OR7G2: variants seen among roughly 807,000 people sequenced by gnomAD.
OR7G2 encodes the protein olfactory receptor 7G2.
For synonymous variants in OR7G2, 153 were observed against 152.2 expected, an observed-to-expected ratio of 1.01 and a Z score of -0.04; for missense variants, 362 against 384.0, an observed-to-expected ratio of 0.94 and a Z score of 0.48.
chr19:9,102,881 G>T lies in OR7G2; in HGVS notation c.363C>A (p.Asp121Glu), dbSNP rs575997597. 2 of 1,614,074 alleles carry T rather than the reference G, an allele frequency of 1.2e-6. No individual in the cohort carries two copies. The highest frequency in any genetic ancestry group is 3.3e-5 in the Admixed American group (2 of 59,978). ...GGGGGTGACAAATGGCCACATAGCG[G>T]TCATAGGCCATTGCTGCAAGGAGAC... ...ENCLLAAMAY[D>E]RYVAICHPLR... The change falls in exon 2 of 2, where the codon GAC becomes GAA. Residue 121 changes from aspartate (D) to glutamate (E), a missense_variant. Physicochemically the swap from Asp to Glu is conservative, Grantham distance 45. Coordinates refer to ENST00000641081, the MANE Select transcript of OR7G2 (RefSeq NM_001005193.2).
rs1458481439 is a variant in OR7G2 at position 9,103,110 on chromosome 19, A to T, written c.134T>A (p.Ile45Asn). ...AGAGTCAGAGATGACAGCCAAGAGG[A>T]TGAGCAGGTTCCCCAGGATGGTGAC... ...YLVTILGNLL[I>N]LLAVISDSHL... is the part of the protein sequence containing the mutation. Residue 45 changes from isoleucine (I) to asparagine (N), a missense_variant, in exon 2 of 2, where the codon ATC (isoleucine) becomes AAC (asparagine). Ile to Asn is a moderately radical substitution (Grantham distance 149, BLOSUM62 -3). Transcript: ENST00000641081. The T allele has an allele frequency of 6.2e-7, 1 of 1,613,982 alleles. No homozygotes were observed. The highest frequency in any genetic ancestry group is 1.3e-5 in the African/African-American group (1 of 74,902).
In OR7G2 at chr19:9,102,885, T is replaced by C. The variant is rs761699529; in HGVS notation, c.359A>G (p.Tyr120Cys). ...GTGACAAATGGCCACATAGCGGTCA[T>C]AGGCCATTGCTGCAAGGAGACAATT... Reference protein sequence around the residue: ...LENCLLAAMAYDRYVAICHPL... With the variant: ...LENCLLAAMACDRYVAICHPL... Residue 120 changes from tyrosine (Y) to cysteine (C), a missense_variant, in exon 2 of 2, where the codon TAT (tyrosine) becomes TGT (cysteine). Tyr to Cys is a radical substitution (Grantham distance 194). Coordinates refer to ENST00000641081, the MANE Select transcript of OR7G2 (RefSeq NM_001005193.2). The C allele has an allele frequency of 4.5e-5, 73 of 1,613,952 alleles. No individual in the cohort carries two copies. The highest frequency in any genetic ancestry group is 5.8e-5 in the Non-Finnish European group (68 of 1,179,996).
At chr19:9,107,167 C>T (rs535311603) in intron 1 of OR7G2, 147 bp downstream of exon 1, 12 of 152,302 alleles carry the variant, frequency 7.9e-5, no homozygotes, top group Non-Finnish European at 1.3e-4. Flanking sequence ...CGAGTCACCA[C>T]ACTCCTTCCA....
Position 9,102,789 on chromosome 19 carries a change from C to G in OR7G2, c.455G>C (p.Ser152Thr). 1 of 1,613,976 alleles carries G rather than the reference C, an allele frequency of 6.2e-7. No individual in the cohort carries two copies. The highest frequency in any genetic ancestry group is 1.7e-5 in the Admixed American group (1 of 59,976). ...GLLILLSLLT[S>T]VVNALLLSLM... ...GCTGAGAAGAAGGGCATTCACAACA[C>G]TAGTCAACAGAGAGAGAAGAATCAG... is the stretch of plus-strand genomic sequence containing the variant. The change falls in exon 2 of 2, where the codon AGT becomes ACT. Residue 152 changes from serine to threonine, a missense_variant. Physicochemically the swap from Ser to Thr is moderately conservative, Grantham distance 58. Coordinates refer to ENST00000641081, the MANE Select transcript of OR7G2 (RefSeq NM_001005193.2).
At position 9,102,079 on chromosome 19, in the gene OR7G2, T is replaced by C. The variant is rs768166303; in HGVS notation, c.*190A>G. ...TTAGCCAGGCATGGTGGCAGGCGCC[T>C]GTAATCCCCACTACTCAGGAGGCTG... is the stretch of plus-strand genomic sequence containing the variant. On this transcript the variant is annotated 3_prime_UTR_variant, in exon 2 of 2. Transcript: ENST00000641081. The C allele has an allele frequency of 1.1e-5, 6 of 522,250 alleles. No homozygotes were observed. The highest frequency in any genetic ancestry group is 1.7e-5 in the Non-Finnish European group (5 of 299,730). 32.4% of individuals were successfully genotyped at this position (522,250 alleles called of 1,614,324 possible). A position where few individuals can be genotyped will look rare whatever the true frequency, so the allele number is the denominator to read the frequency against.
intron 1 of OR7G2, among the ~76,000 whole-genome samples, chr19:9,105,066 G>A (rs2050378583): frequency 6.6e-6 from 1 of 151,746 alleles, no homozygotes; most frequent in East Asian, 2.0e-4. Context: ...CGCCTCCCGG[G>A]TTCAAGCTAT....
chr19:9,105,797 A>G (rs1288919940), intron 1 of OR7G2, among the ~76,000 whole-genome samples: 1 of 151,754 alleles, frequency 6.6e-6, no homozygotes, highest in African/African-American at 2.4e-5. Flanking sequence ...CAGTGTGCCA[A>G]GATTGTGCCA....
In OR7G2 at chr19:9,107,454, C is replaced by T. The variant is rs2050392464; in HGVS notation, c.-157G>A. On this transcript the variant is annotated 5_prime_UTR_variant, in exon 1 of 2. Transcript: ENST00000641081. ...GTTCAGTGAGGTGCTTACAGCCTGA[C>T]TTGTTGCACTGTCTATATCCCTGGG... 1 of 152,164 alleles carries T rather than the reference C, an allele frequency of 6.6e-6. No individual in the cohort carries two copies. Among genetic ancestry groups the T allele is most frequent in the African/African-American group, 2.4e-5 (1 of 41,442 alleles). 9.4% of individuals were successfully genotyped at this position (152,164 alleles called of 1,614,324 possible).
chr19:9,101,710 G>GAC lies in OR7G2; in HGVS notation c.*558_*559insGT. ...AGCCTGGCCGACAGAGCGAGACTCT[G>GAC]TCTCTAAATAAATAAATAAATAACT... On this transcript the variant is annotated 3_prime_UTR_variant, in exon 2 of 2. Coordinates refer to ENST00000641081, the MANE Select transcript of OR7G2 (RefSeq NM_001005193.2). 1 of 152,070 alleles carries GAC rather than the reference G, an allele frequency of 6.6e-6. No individual in the cohort carries two copies. The highest frequency in any genetic ancestry group is 1.5e-5 in the Non-Finnish European group (1 of 68,174). The allele number at this position is 152,070 out of a possible 1,614,324, so 9.4% of individuals were successfully genotyped here. A position where few individuals can be genotyped will look rare whatever the true frequency, so the allele number is the denominator to read the frequency against.
chr19:9,105,201 C>T (rs1262062810), intron 1 of OR7G2, among the ~76,000 whole-genome samples: 3 of 152,024 alleles, frequency 2.0e-5, no homozygotes, highest in Non-Finnish European at 4.4e-5. Context: ...AACTCCTGAC[C>T]TTGTGATCCA....
intron 1 of OR7G2, among the ~76,000 whole-genome samples, chr19:9,106,301 T>C (rs917619963): frequency 1.6e-4 from 25 of 151,838 alleles, no homozygotes; most frequent in African/African-American, 5.8e-4. Flanking sequence ...GGTGCACGCC[T>C]GTAACCCCAG....
Position 9,102,491 on chromosome 19 carries a change from G to C in OR7G2, c.753C>G (p.Phe251Leu), listed in dbSNP as rs765812660. ...CGSHLSIVLL[F>L]YGAGLGVYIS... is the part of the protein sequence containing the mutation. The stretch of plus-strand genomic sequence containing the variant: ...TGTACACCCCCAAACCTGCCCCATA[G>C]AACAAGAGAACAATGGAGAGGTGAG... Residue 251 changes from phenylalanine to leucine, a missense_variant, in exon 2 of 2, where the codon TTC becomes TTG. Coordinates refer to ENST00000641081, the MANE Select transcript of OR7G2 (RefSeq NM_001005193.2). 6.2e-7 allele frequency: 1 copy of C among 1,614,062 alleles called. No homozygotes were observed. Among genetic ancestry groups the C allele is most frequent in the African/African-American group, 1.3e-5 (1 of 75,042 alleles).
At chr19:9,104,663 T>C (rs1213953790) in intron 1 of OR7G2, among the ~76,000 whole-genome samples, 2 of 151,504 alleles carry the variant, frequency 1.3e-5, no homozygotes, top group Admixed American at 1.3e-4. Flanking sequence ...CCATGTCTAC[T>C]AAAAATACAA....
intron 1 of OR7G2, among the ~76,000 whole-genome samples, chr19:9,105,823 G>A (rs562788629): frequency 6.6e-6 from 1 of 151,246 alleles, no homozygotes; most frequent in South Asian, 2.1e-4. Flanking sequence ...CTCCAGCCTG[G>A]GTGACAGAGT....
chr19:9,103,675 T>G (rs890620250), intron 1 of OR7G2, among the ~76,000 whole-genome samples: 1 of 142,386 alleles, frequency 7.0e-6, no homozygotes, highest in South Asian at 2.3e-4. Context: ...CTGGCTAATT[T>G]TGTGTGTGTG....
chr19:9,102,647 T>C lies in OR7G2; in HGVS notation c.597A>G (p.Ile199Met). ...CSDTLINNILIYFAACIFGGV... is the reference protein window; with the variant it reads ...CSDTLINNILMYFAACIFGGV... Reference sequence around the variant, plus strand: ...CACCAAATATGCAAGCTGCAAAATATATCAGGATGTTATTGATGAGGGTGT... The same window carrying C: ...CACCAAATATGCAAGCTGCAAAATACATCAGGATGTTATTGATGAGGGTGT... Residue 199 changes from isoleucine (I) to methionine (M), a missense_variant, in exon 2 of 2, where the codon ATA (isoleucine) becomes ATG (methionine). Transcript: ENST00000641081. 1.2e-6 allele frequency: 2 copies of C among 1,614,196 alleles called. No homozygotes were observed. Among genetic ancestry groups the C allele is most frequent in the South Asian group, 1.1e-5 (1 of 91,084 alleles).
rs371933843 is a variant in OR7G2 at position 9,103,675 on chromosome 19, T to TTGTGTGTG, written c.-16-424_-16-417dup. 9.9e-3 allele frequency among the ~76,000 whole-genome samples: 1,405 copies of TTGTGTGTG among 142,474 alleles called. 12 individuals carry two copies. Among genetic ancestry groups the TTGTGTGTG allele is most frequent in the Middle Eastern group, 0.088 (23 of 262 alleles). The allele number at this position is 142,474 out of a possible 152,430, so 93.5% of individuals were successfully genotyped here. On this transcript the variant is annotated intron_variant, in intron 1 of 1. Transcript: ENST00000641081. ...TGCACACCACCATTCCTGGCTAATT[T>TTGTGTGTG]TGTGTGTGTGTGTGTGTGTTTTTAG... is the stretch of plus-strand genomic sequence containing the variant.
intron 1 of OR7G2, among the ~76,000 whole-genome samples, chr19:9,106,163 A>C (rs1258816812): frequency 1.3e-5 from 2 of 152,140 alleles, no homozygotes; most frequent in African/African-American, 4.8e-5. Context: ...CAAGCCTATA[A>C]TCCCAGCACT....
chr19:9,104,088 T>G (rs1287842725), intron 1 of OR7G2, among the ~76,000 whole-genome samples: 1 of 152,032 alleles, frequency 6.6e-6, no homozygotes, highest in African/African-American at 2.4e-5. Flanking sequence ...GGTCTCACCA[T>G]GTAGGTCAGG....
Sources: allele counts gnomAD v4.1 joint callset (sites outside exome capture counted in the v4.1 genomes callset), GRCh38; gene constraint gnomAD v4.1.1; transcripts MANE v1.5; gene names NCBI Gene and HGNC (gene_info 2026-07-23, HGNC 2026-07-21).